ZNF385D: variants seen among roughly 807,000 people sequenced by gnomAD.
ZNF385D encodes zinc finger protein 385D, also known as zinc finger protein 659.
Under a neutral mutation model 35.8 loss-of-function variants are expected in ZNF385D, and 15 were observed. The observed-to-expected ratio is 0.42, with a 90% confidence interval of 0.28 to 0.64. The LOEUF (loss-of-function observed/expected upper bound fraction) is 0.64. ZNF385D is among the 30% of genes least tolerant of loss of function. The pLI is 0.23. For missense variants in ZNF385D, 474 were observed against 494.6 expected (o/e 0.96, Z 0.39); for synonymous variants, 212 against 186.8 (o/e 1.13, Z -1.10).
chr3:21,791,963 G>A lies in ZNF385D; in HGVS notation c.326-126935C>T, dbSNP rs112409736. On this transcript the variant is annotated intron_variant, in intron 3 of 5. Coordinates refer to the ZNF385D transcript ENST00000494108. ...TTGGCTAGGATGGTCTCGATCTCCTGACCTCGTGATCCACCTACCTCAGCC... is the reference window on the plus strand; with the variant it reads ...TTGGCTAGGATGGTCTCGATCTCCTAACCTCGTGATCCACCTACCTCAGCC... Among the ~76,000 whole-genome samples, 197 of 152,232 alleles carry A rather than the reference G, an allele frequency of 1.3e-3. 3 individuals carry two copies. The highest frequency in any genetic ancestry group is 4.5e-3 in the African/African-American group (186 of 41,546).
intron 5 of ZNF385D, among the ~76,000 whole-genome samples, chr3:21,426,411 C>T (rs79993866): frequency 0.012 from 1,888 of 152,230 alleles, 100 homozygotes; most frequent in Admixed American, 0.093. Context: ...ATCATTCATG[C>T]AACTCTGATT....
intron 3 of ZNF385D, among the ~76,000 whole-genome samples, chr3:21,861,922 T>C (rs967048980): frequency 1.3e-5 from 2 of 152,070 alleles, no homozygotes; most frequent in African/African-American, 4.8e-5. Flanking sequence ...TATACAAAAA[T>C]GAAGCTACTC....
chr3:22,218,459 G>A (rs1698034281), intron 2 of ZNF385D, among the ~76,000 whole-genome samples: 1 of 151,750 alleles, frequency 6.6e-6, no homozygotes, highest in Non-Finnish European at 1.5e-5. Context: ...ATAAATATAT[G>A]TATATATATG....
intron 3 of ZNF385D, among the ~76,000 whole-genome samples, chr3:21,890,958 G>T (rs1023116811): frequency 6.6e-6 from 1 of 152,156 alleles, no homozygotes; most frequent in African/African-American, 2.4e-5. Flanking sequence ...TGGGAGAAGA[G>T]AAAGTGAATT....
chr3:21,603,230 T>G (rs967196709), intron 2 of ZNF385D, among the ~76,000 whole-genome samples: 1 of 152,232 alleles, frequency 6.6e-6, no homozygotes, highest in Non-Finnish European at 1.5e-5. Context: ...TTGATTAATA[T>G]CTAGTGTTGC....
intron 3 of ZNF385D, among the ~76,000 whole-genome samples, chr3:21,550,358 A>C (rs1186525639): frequency 6.6e-6 from 1 of 152,314 alleles, no homozygotes; most frequent in South Asian, 2.1e-4. Context: ...TAGGGAGGAA[A>C]AAATACTCCT....
intron 3 of ZNF385D, among the ~76,000 whole-genome samples, chr3:21,552,744 G>T (rs1256052326): frequency 6.6e-6 from 1 of 152,174 alleles, no homozygotes; most frequent in Non-Finnish European, 1.5e-5. Flanking sequence ...TAAAATGGCG[G>T]TATCTGTGGT....
rs543830883 is a variant in ZNF385D at position 22,242,017 on chromosome 3, T to C, written c.107-72982A>G. The stretch of plus-strand genomic sequence containing the variant: ...GCATATTCTCACTCATAGGTGGGAA[T>C]TGAACAATGAGATCGCATGGACACA... On this transcript the variant is annotated intron_variant, in intron 2 of 5. Coordinates refer to the ZNF385D transcript ENST00000494108. Among the ~76,000 whole-genome samples, 49 of 150,094 alleles carry C rather than the reference T, an allele frequency of 3.3e-4. 3 individuals carry two copies. The highest frequency in any genetic ancestry group is 6.0e-4 in the Admixed American group (9 of 15,050).
chr3:21,824,563 T>G (rs972866097), intron 3 of ZNF385D, among the ~76,000 whole-genome samples: 1 of 152,196 alleles, frequency 6.6e-6, no homozygotes, highest in Non-Finnish European at 1.5e-5. Flanking sequence ...CCTCATCATA[T>G]ATCAAAAACT....
At chr3:21,921,234 A>AAAG (rs1553699572) in intron 3 of ZNF385D, among the ~76,000 whole-genome samples, 2 of 151,504 alleles carry the variant, frequency 1.3e-5, no homozygotes, top group East Asian at 3.9e-4. Context: ...AAAAAAAAAA[A>AAAG]AAAAAAAAAT....
intron 2 of ZNF385D, among the ~76,000 whole-genome samples, chr3:21,650,282 T>G (rs561167817): frequency 6.6e-6 from 1 of 152,288 alleles, no homozygotes; most frequent in South Asian, 2.1e-4. Flanking sequence ...CAAAATAATT[T>G]CAGGAACCAA....
chr3:21,605,799 T>C (rs28540086), intron 2 of ZNF385D, among the ~76,000 whole-genome samples: 1,663 of 152,322 alleles, frequency 0.011, 29 homozygotes, highest in African/African-American at 0.037. Flanking sequence ...GATGAGGACA[T>C]TGAAAGATTC....
chr3:22,034,473 T>C (rs1016757813), intron 3 of ZNF385D, among the ~76,000 whole-genome samples: 49 of 152,144 alleles, frequency 3.2e-4, no homozygotes, highest in Non-Finnish European at 1.0e-4. Flanking sequence ...TCCACCATAA[T>C]TATTGTAAAT....
chr3:21,598,542 T>G (rs2125754138), intron 2 of ZNF385D, among the ~76,000 whole-genome samples: 1 of 152,318 alleles, frequency 6.6e-6, no homozygotes, highest in East Asian at 1.9e-4. Context: ...GCAATATCTT[T>G]GTTCAAAACT....
chr3:22,264,664 T>C lies in ZNF385D; in HGVS notation c.107-95629A>G, dbSNP rs368494714. Among the ~76,000 whole-genome samples, 25 of 152,136 alleles carry C rather than the reference T, an allele frequency of 1.6e-4. No homozygotes were observed. The East Asian group carries it at 3.7e-3, about 22-fold the overall frequency. On this transcript the variant is annotated intron_variant, in intron 2 of 5. Coordinates refer to the ZNF385D transcript ENST00000494108. The stretch of plus-strand genomic sequence containing the variant: ...TAATATGGGTCTCCCTACTGCATTC[T>C]GTAGTCTGGGAAAGAAAGACACCTA...
intron 2 of ZNF385D, among the ~76,000 whole-genome samples, chr3:22,309,882 T>G (rs956722606): frequency 1.3e-5 from 2 of 151,974 alleles, no homozygotes; most frequent in African/African-American, 4.8e-5. Context: ...GGATGGAATT[T>G]TGTGTGCCCA....
intron 3 of ZNF385D, among the ~76,000 whole-genome samples, chr3:22,136,034 A>G (rs947790461): frequency 2.0e-5 from 3 of 152,182 alleles, no homozygotes; most frequent in Admixed American, 1.3e-4. Flanking sequence ...AAAAGAAGAG[A>G]AAGTCTTGTG....
chr3:21,600,094 ACAATGTCAGGAATTTAC>A (rs1240652603), intron 2 of ZNF385D, among the ~76,000 whole-genome samples: 1 of 152,230 alleles, frequency 6.6e-6, no homozygotes, highest in Admixed American at 6.5e-5. Context: ...AAATGCCATG[ACAATGTCAGGAATTTAC>A]CCTATATGGT....
chr3:22,273,336 C>CT (rs914712537), intron 2 of ZNF385D, among the ~76,000 whole-genome samples: 2 of 152,004 alleles, frequency 1.3e-5, no homozygotes, highest in Non-Finnish European at 2.9e-5. Context: ...GACATTAGTC[C>CT]TTTTTTTGGA....
Sources: allele counts gnomAD v4.1 joint callset (sites outside exome capture counted in the v4.1 genomes callset), GRCh38; gene constraint gnomAD v4.1.1; transcripts MANE v1.5; gene names NCBI Gene and HGNC (gene_info 2026-07-23, HGNC 2026-07-21).